Variants in ATAD2 observed in about 807,000 individuals in gnomAD.
ATAD2 encodes the protein ATPase family AAA domain containing 2, also known as ATPase family AAA domain-containing protein 2.
ATAD2 carries 62 observed loss-of-function variants against 168.9 expected under a neutral mutation model. The ratio of observed to expected loss-of-function variants is 0.37; its 90% CI spans 0.30 to 0.45. The LOEUF (loss-of-function observed/expected upper bound fraction) is 0.45. Ranked by LOEUF, ATAD2 falls within the 20% of genes least tolerant of loss-of-function variation. ATAD2 has a pLI of 1.00. For missense variants in ATAD2, 1,419 were observed against 1,667.8 expected (o/e 0.85, Z 2.60); for synonymous variants, 613 against 571.6 (o/e 1.07, Z -1.03).
intron 1 of ATAD2, 179 bp from the exon 2 acceptor site, chr8:123,380,856 A>G (rs1048472286): frequency 3.3e-6 from 2 of 598,112 alleles, no homozygotes; most frequent in African/African-American, 3.7e-5. Context: ...TGATAAACAA[A>G]TATCAGCAAT....
At chr8:123,379,267 T>C (rs1267467752) in intron 2 of ATAD2, among the ~76,000 whole-genome samples, 2 of 152,202 alleles carry the variant, frequency 1.3e-5, no homozygotes, top group African/African-American at 4.8e-5. Flanking sequence ...AAACCGTATG[T>C]ACAGACTGCT....
chr8:123,394,340 A>G (rs1812727767), intron 1 of ATAD2, among the ~76,000 whole-genome samples: 1 of 152,278 alleles, frequency 6.6e-6, no homozygotes, highest in East Asian at 1.9e-4. Flanking sequence ...TTAAGAGTCT[A>G]TGTATTTGGC....
Position 123,348,256 on chromosome 8 carries a change from T to C in ATAD2, c.1824A>G (p.Leu608=). 1 of 1,596,876 alleles carries C rather than the reference T, an allele frequency of 6.3e-7. No individual in the cohort carries two copies. The highest frequency in any genetic ancestry group is 1.2e-5 in the South Asian group (1 of 86,954). ...LPDKEARKEI[L]KIHTRDWNPK... is the part of the protein sequence containing the mutation. ...GATTCCAATCCCTGGTGTGAATCTTTAGAATCTCTTTTCGAGCCTATGAAT... is the reference window on the plus strand; with the variant it reads ...GATTCCAATCCCTGGTGTGAATCTTCAGAATCTCTTTTCGAGCCTATGAAT... Residue 608 remains leucine (L), a synonymous_variant, in exon 15 of 28, where the codon CTA becomes CTG. Coordinates refer to ENST00000287394, the MANE Select transcript of ATAD2 (RefSeq NM_014109.4).
At chr8:123,408,924 T>C (rs1366916475) in intron 1 of ATAD2, among the ~76,000 whole-genome samples, 3 of 151,768 alleles carry the variant, frequency 2.0e-5, no homozygotes, top group Non-Finnish European at 4.4e-5. Flanking sequence ...GCCTCCCAAG[T>C]TCAAGCGATT....
rs754616552 is a variant in ATAD2 at position 123,356,464 on chromosome 8, C to T, written c.1571G>A (p.Arg524His). ...RLLFDQAYQM[R>H]PSIIFFDEID... ...TTCGTCAAAAAAAATAATTGATGGGCGCATCTGATAGGCCTAGAAAGTAGG... is the reference window on the plus strand; with the variant it reads ...TTCGTCAAAAAAAATAATTGATGGGTGCATCTGATAGGCCTAGAAAGTAGG... Residue 524 changes from arginine (R) to histidine (H), a missense_variant, in exon 13 of 28, where the codon CGC (arginine) becomes CAC (histidine). Around this residue, in one of 5 missense-constraint regions of ATAD2, gnomAD observed 545 missense variants for 724.9 expected, o/e 0.75. Coordinates refer to ENST00000287394, the MANE Select transcript of ATAD2 (RefSeq NM_014109.4). 6.2e-6 allele frequency: 10 copies of T among 1,611,670 alleles called. No individual in the cohort carries two copies. Among genetic ancestry groups the T allele is most frequent in the Middle Eastern group, 1.6e-4 (1 of 6,078 alleles).
intron 20 of ATAD2, among the ~76,000 whole-genome samples, chr8:123,338,358 G>GAA (rs60724364): frequency 8.3e-6 from 1 of 120,132 alleles, no homozygotes; most frequent in African/African-American, 3.1e-5. Flanking sequence ...CCGTCTCAAG[G>GAA]AAAAAAAAAA....
chr8:123,375,477 T>C (rs1276898827), intron 2 of ATAD2, among the ~76,000 whole-genome samples: 1 of 152,230 alleles, frequency 6.6e-6, no homozygotes, highest in Non-Finnish European at 1.5e-5. Flanking sequence ...CTCAAAATGT[T>C]AGTGTTAGTA....
chr8:123,347,525 C>A, intron 15 of ATAD2, 119 bp from the exon 16 acceptor site: 1 of 1,037,708 alleles, frequency 9.6e-7, no homozygotes, highest in Non-Finnish European at 1.4e-6. Flanking sequence ...ATATAGTTAG[C>A]AAATATTTAA....
At chr8:123,389,985 T>TATA (rs1554647643) in intron 1 of ATAD2, among the ~76,000 whole-genome samples, 38 of 70,824 alleles carry the variant, frequency 5.4e-4, no homozygotes, top group African/African-American at 6.9e-4. Flanking sequence ...TATATATATA[T>TATA]TTTTTTTTTT....
intron 24 of ATAD2, among the ~76,000 whole-genome samples, chr8:123,331,853 G>A (rs1050632851): frequency 1.3e-5 from 2 of 152,266 alleles, no homozygotes; most frequent in African/African-American, 2.4e-5. Context: ...ATCACACATC[G>A]TTTTAAGCAG....
rs1554647643 is a variant in ATAD2, at chr8:123,389,985, T to TATATATA, written c.171+6201_171+6202insTATATAT. Reference sequence around the variant, plus strand: ...TTATATATATATATATATATATATATTTTTTTTTTTTTAGACAGAGTCTTG... The same window carrying TATATATA: ...TTATATATATATATATATATATATATATATATATTTTTTTTTTTTAGACAGAGTCTTG... On this transcript the variant is annotated intron_variant, in intron 1 of 27. Coordinates refer to ENST00000287394, the MANE Select transcript of ATAD2 (RefSeq NM_014109.4). Among the ~76,000 whole-genome samples the TATATATA allele has an allele frequency of 1.2e-3, 86 of 70,818 alleles. 1 individual carries two copies. Among genetic ancestry groups the TATATATA allele is most frequent in the Admixed American group, 2.1e-3 (13 of 6,184 alleles). 46.5% of individuals were successfully genotyped at this position (70,818 alleles called of 152,430 possible).
intron 19 of ATAD2, among the ~76,000 whole-genome samples, chr8:123,340,968 G>C (rs1468084372): frequency 6.6e-6 from 1 of 151,200 alleles, no homozygotes; most frequent in Non-Finnish European, 1.5e-5. Context: ...TTTGAGACAG[G>C]GTCTCACTCT....
rs1057389910 is a variant in ATAD2, at chr8:123,402,688, G to A, written c.-2281-1513C>T. Among the ~76,000 whole-genome samples the A allele has an allele frequency of 2.0e-5, 3 of 152,066 alleles. No homozygotes were observed. Among genetic ancestry groups the A allele is most frequent in the Non-Finnish European group, 2.9e-5 (2 of 68,012 alleles). On this transcript the variant is annotated intron_variant, in intron 1 of 28. Coordinates refer to the ATAD2 transcript ENST00000521903. This position sits in a 1 kb window ranked among gnomAD's most constrained non-coding sequence, Gnocchi z 4.8. The stretch of plus-strand genomic sequence containing the variant: ...TGCCCCTCATTCCTGACTCACCACC[G>A]TCCCCAGGTGTACCATTCCTGCCCT...
intron 1 of ATAD2, among the ~76,000 whole-genome samples, chr8:123,388,716 G>C (rs187423020): frequency 9.5e-4 from 145 of 151,926 alleles, no homozygotes; most frequent in African/African-American, 3.4e-3. Context: ...GATGGTGGGG[G>C]CGGGGGGGTG....
At chr8:123,378,727 C>CAAAAAAAAAAAAAAAAA (rs1554646643) in intron 2 of ATAD2, among the ~76,000 whole-genome samples, 10 of 91,040 alleles carry the variant, frequency 1.1e-4, no homozygotes, top group African/African-American at 3.2e-4. Flanking sequence ...AAAAAAAAAT[C>CAAAAAAAAAAAAAAAAA]AAAATTCCAT....
chr8:123,396,841 C>T (rs1045998680), upstream of ATAD2, among the ~76,000 whole-genome samples: 3 of 152,082 alleles, frequency 2.0e-5, no homozygotes, highest in Non-Finnish European at 4.4e-5. Context: ...TGCTTCCCGC[C>T]ATCCAGGATT....
At chr8:123,396,549 TCTC>T (rs1298001000), upstream of ATAD2, 5 of 585,382 alleles carry the variant, frequency 8.5e-6, no homozygotes, top group Non-Finnish European at 1.5e-5. Context: ...GGCTCGAAAC[TCTC>T]CTCCCATTTG....
At chr8:123,410,080 T>A (rs1813131936) in intron 1 of ATAD2, among the ~76,000 whole-genome samples, 1 of 152,146 alleles carries the variant, frequency 6.6e-6, no homozygotes. Flanking sequence ...GCCTTTCTTA[T>A]AATTTCCTCT....
At chr8:123,325,841 T>C in intron 26 of ATAD2, 52 bp downstream of exon 26, 1 of 1,592,048 alleles carries the variant, frequency 6.3e-7, no homozygotes, top group Non-Finnish European at 8.6e-7. Flanking sequence ...AAGCCAGTGT[T>C]TGGGGATTAG....
Sources: allele counts gnomAD v4.1 joint callset (sites outside exome capture counted in the v4.1 genomes callset), GRCh38; gene constraint gnomAD v4.1.1; regional missense constraint gnomAD v4.1.1; non-coding constraint Gnocchi (gnomAD v3.1); transcripts MANE v1.5; gene names NCBI Gene and HGNC (gene_info 2026-07-23, HGNC 2026-07-21).